Variants in PMS1 observed in about 807,000 individuals in gnomAD.
The protein encoded by PMS1 is PMS1 homolog 1, mismatch repair system component, also known as PMS1 protein homolog 1.
PMS1 carries 79 observed loss-of-function variants against 93.1 expected under a neutral mutation model. The ratio of observed to expected loss-of-function variants is 0.85; its 90% confidence interval spans 0.71 to 1.02. PMS1 has a LOEUF of 1.02. Ranked by LOEUF, PMS1 falls within the 50% of genes least tolerant of loss-of-function variation. The pLI, the probability that PMS1 is intolerant of heterozygous loss-of-function variation, is 0.00. For synonymous variants in PMS1, 335 were observed against 363.4 expected (o/e 0.92, Z 0.89); for missense variants, 1,064 against 1,085.3 (o/e 0.98, Z 0.28).
At chr2:189,809,312 C>A (rs1389887206) in intron 4 of PMS1, among the ~76,000 whole-genome samples, 2 of 152,032 alleles carry the variant, frequency 1.3e-5, no homozygotes, top group Non-Finnish European at 2.9e-5. Context: ...TACAACACTG[C>A]AGTTTAATTC....
Position 189,791,935 on chromosome 2 carries a change from T to G in PMS1, c.126T>G (p.Val42=), listed in dbSNP as rs769797470. ...SLDAGATSVD[V]KLENYGFDKI... is the part of the protein sequence containing the mutation. ...ATGCTGGTGCCACAAGCGTAGATGTTAAACTGGTGAGTGTCCTTGAGAACC... is the reference window on the plus strand; with the variant it reads ...ATGCTGGTGCCACAAGCGTAGATGTGAAACTGGTGAGTGTCCTTGAGAACC... Residue 42 remains valine (V), a synonymous_variant, in exon 2 of 13, where the codon GTT becomes GTG. Coordinates refer to ENST00000441310, the MANE Select transcript of PMS1 (RefSeq NM_000534.5). The G allele has an allele frequency of 2.5e-6, 4 of 1,613,834 alleles. No individual in the cohort carries two copies. The highest frequency in any genetic ancestry group is 3.4e-6 in the Non-Finnish European group (4 of 1,179,830).
intron 11 of PMS1, among the ~76,000 whole-genome samples, chr2:189,870,301 A>G (rs539885086): frequency 2.0e-5 from 3 of 152,354 alleles, no homozygotes; most frequent in Admixed American, 1.3e-4. Flanking sequence ...TTGAAAGAGA[A>G]GGAATACATC....
chr2:189,865,201 A>C (rs1276740405), intron 10 of PMS1, among the ~76,000 whole-genome samples: 1 of 152,062 alleles, frequency 6.6e-6, no homozygotes, highest in Admixed American at 6.5e-5. Flanking sequence ...GTTTTTTAAA[A>C]AATTTATATT....
chr2:189,852,823 C>T (rs1325712156), intron 7 of PMS1, 46 bp downstream of exon 7: 1 of 1,242,698 alleles, frequency 8.0e-7, no homozygotes, highest in Non-Finnish European at 1.2e-6. Context: ...GGAAATTTGT[C>T]ACATTGTAAC....
At chr2:189,786,190 G>C (rs2048333613) in intron 1 of PMS1, among the ~76,000 whole-genome samples, 1 of 152,186 alleles carries the variant, frequency 6.6e-6, no homozygotes, top group Non-Finnish European at 1.5e-5. Flanking sequence ...GCAACGATGG[G>C]ATGACTGGGA....
chr2:189,839,977 C>A (rs2053688868), intron 5 of PMS1, among the ~76,000 whole-genome samples: 1 of 152,064 alleles, frequency 6.6e-6, no homozygotes, highest in African/African-American at 2.4e-5. Context: ...TTTAAATAGT[C>A]TACTTCATTG....
intron 1 of PMS1, among the ~76,000 whole-genome samples, chr2:189,788,808 TTCTAGTGC>T (rs1357303013): frequency 1.3e-5 from 2 of 152,196 alleles, no homozygotes; most frequent in Admixed American, 1.3e-4. Flanking sequence ...CTACCCACGT[TTCTAGTGC>T]TCTAGTGTTC....
chr2:189,815,966 C>T (rs905424364), intron 4 of PMS1, among the ~76,000 whole-genome samples: 5 of 152,192 alleles, frequency 3.3e-5, no homozygotes, highest in African/African-American at 9.6e-5. Flanking sequence ...TGCAGTGGCA[C>T]AGTCATAGCT....
chr2:189,827,871 G>A (rs2052572206), intron 5 of PMS1, among the ~76,000 whole-genome samples: 1 of 151,872 alleles, frequency 6.6e-6, no homozygotes, highest in Non-Finnish European at 1.5e-5. Context: ...AAAACTGGAG[G>A]GGTTGGTCCA....
chr2:189,786,265 A>T (rs2048340748), intron 1 of PMS1, among the ~76,000 whole-genome samples: 2 of 152,216 alleles, frequency 1.3e-5, no homozygotes, highest in Admixed American at 6.5e-5. Context: ...GGAAACCTTT[A>T]TAAAAATTTT....
chr2:189,832,293 G>T (rs2053018650), intron 5 of PMS1, among the ~76,000 whole-genome samples: 1 of 152,122 alleles, frequency 6.6e-6, no homozygotes, highest in African/African-American at 2.4e-5. Flanking sequence ...TCTATAGGGT[G>T]TTCTATTAAA....
chr2:189,857,437 C>T (rs574349078), intron 9 of PMS1: 11 of 465,172 alleles, frequency 2.4e-5, no homozygotes, highest in South Asian at 4.7e-5. Flanking sequence ...ACCCAAGAAT[C>T]GTACTAGCTA....
intron 3 of PMS1, among the ~76,000 whole-genome samples, chr2:189,802,587 C>A (rs2049988404): frequency 6.6e-6 from 1 of 152,104 alleles, no homozygotes; most frequent in African/African-American, 2.4e-5. Flanking sequence ...AATATAGGAT[C>A]TGTAGGTTTG....
intron 5 of PMS1, among the ~76,000 whole-genome samples, chr2:189,829,753 C>T (rs925994085): frequency 2.0e-5 from 3 of 152,148 alleles, no homozygotes; most frequent in African/African-American, 2.4e-5. Context: ...GGTTATTCTT[C>T]GCTACTGATT....
chr2:189,785,758 C>T (rs1427040817), intron 1 of PMS1, among the ~76,000 whole-genome samples: 1 of 152,002 alleles, frequency 6.6e-6, no homozygotes, highest in Non-Finnish European at 1.5e-5. Context: ...TGAACTAAAT[C>T]TGGAAGGATG....
chr2:189,787,028 G>C (rs2048411564), intron 1 of PMS1, among the ~76,000 whole-genome samples: 1 of 152,098 alleles, frequency 6.6e-6, no homozygotes, highest in South Asian at 2.1e-4. Flanking sequence ...ATTTCAGCCT[G>C]GGCAACAAGA....
intron 3 of PMS1, among the ~76,000 whole-genome samples, chr2:189,803,014 G>A: frequency 6.6e-6 from 1 of 152,158 alleles, no homozygotes; most frequent in East Asian, 1.9e-4. Flanking sequence ...ACTTTAATTA[G>A]TGCACAATAC....
At chr2:189,832,983 A>G (rs2053086501) in intron 5 of PMS1, among the ~76,000 whole-genome samples, 1 of 152,212 alleles carries the variant, frequency 6.6e-6, no homozygotes, top group South Asian at 2.1e-4. Context: ...GTCAAGACCA[A>G]CCATCTCCCT....
In PMS1 at chr2:189,867,840, T is replaced by C. The variant is rs1376926096; in HGVS notation, c.2384T>C (p.Met795Thr). 1.9e-6 allele frequency: 3 copies of C among 1,576,930 alleles called. No individual in the cohort carries two copies. The South Asian group carries it at 3.3e-5, about 17-fold the overall frequency. ...CATTATTTAGACGTTTTATATAAAATGACAGCAGATGACCAAAGATACAGT... is the reference window on the plus strand; with the variant it reads ...CATTATTTAGACGTTTTATATAAAACGACAGCAGATGACCAAAGATACAGT... ...GSHYLDVLYK[M>T]TADDQRYSGS... Residue 795 changes from methionine to threonine, a missense_variant, in exon 11 of 13, where the codon ATG (methionine) becomes ACG (threonine). By Grantham distance (81) the Met-to-Thr change is moderately conservative. Coordinates refer to ENST00000441310, the MANE Select transcript of PMS1 (RefSeq NM_000534.5).
Sources: gnomAD v4.1 joint callset for allele counts (sites outside exome capture counted in the v4.1 genomes callset) on GRCh38, gnomAD v4.1.1 for gene constraint, MANE v1.5 for transcripts, NCBI Gene and HGNC (gene_info 2026-07-23, HGNC 2026-07-21) for gene names.